CSMD1: variants seen among roughly 807,000 people sequenced by gnomAD.
CSMD1 encodes the protein CUB and sushi domain-containing protein 1.
CSMD1 carries 213 observed loss-of-function variants against 417.5 expected under a neutral mutation model. The ratio of observed to expected loss-of-function variants is 0.51; its 90% confidence interval spans 0.46 to 0.57. The LOEUF (loss-of-function observed/expected upper bound fraction) is 0.57. CSMD1 is among the 20% of genes least tolerant of loss of function. CSMD1 has a pLI of 0.00. For synonymous variants in CSMD1, 2,862 were observed against 1,736.8 expected (o/e 1.65, Z -16.11); for missense variants, 6,923 against 4,529.7 (o/e 1.53, Z -15.17).
At chr8:4,607,760 G>C (rs555129364) in intron 2 of CSMD1, among the ~76,000 whole-genome samples, 5 of 152,298 alleles carry the variant, frequency 3.3e-5, no homozygotes, top group Admixed American at 2.0e-4. Context: ...CCGCTTGAGA[G>C]TGACTCTCTC....
chr8:2,963,543 G>T, intron 59 of CSMD1, 148 bp from the exon 60 acceptor site: 1 of 774,210 alleles, frequency 1.3e-6, no homozygotes, highest in Non-Finnish European at 2.1e-6. Context: ...TGCCAAGGAA[G>T]ACAGTACATC....
At chr8:3,826,514 C>G (rs1288059120) in intron 5 of CSMD1, among the ~76,000 whole-genome samples, 1 of 152,150 alleles carries the variant, frequency 6.6e-6, no homozygotes, top group Admixed American at 6.5e-5. Flanking sequence ...TCTAGAACCA[C>G]ATTTTCAGAT....
At chr8:3,339,622 C>T (rs1490606140) in intron 23 of CSMD1, among the ~76,000 whole-genome samples, 1 of 152,208 alleles carries the variant, frequency 6.6e-6, no homozygotes, top group Non-Finnish European at 1.5e-5. Context: ...TCTCAGAGGG[C>T]TACTCTGATA....
rs907915216 is a variant in CSMD1 at position 4,007,678 on chromosome 8, C to A, written c.611-9568G>T. Among the ~76,000 whole-genome samples, 4 of 146,642 alleles carry A rather than the reference C, an allele frequency of 2.7e-5. No individual in the cohort carries two copies. The East Asian group carries it at 7.9e-4, about 29-fold the overall frequency. ...CCTGATAGAAGTATTCTTTCTTCCT[C>A]TTTTTTTTTTTCATGCAATGAATGA... is the stretch of plus-strand genomic sequence containing the variant. On this transcript the variant is annotated intron_variant, in intron 4 of 69. Coordinates refer to ENST00000635120, the MANE Select transcript of CSMD1 (RefSeq NM_033225.6).
chr8:4,044,389 G>A (rs1447115878), intron 3 of CSMD1, among the ~76,000 whole-genome samples: 4 of 152,092 alleles, frequency 2.6e-5, no homozygotes, highest in African/African-American at 7.2e-5. Context: ...ATAAGCTAAA[G>A]GCAATCTCAG....
In CSMD1 at chr8:4,081,663, A is replaced by G. The variant is rs73658567; in HGVS notation, c.416-49564T>C. On this transcript the variant is annotated intron_variant, in intron 3 of 69. Transcript: ENST00000635120. Reference sequence around the variant, plus strand: ...ACTAAAATAGATACTATGCTACACAATGCAACAATTCTCAATGAAGTCCAA... The same window carrying G: ...ACTAAAATAGATACTATGCTACACAGTGCAACAATTCTCAATGAAGTCCAA... Among the ~76,000 whole-genome samples the G allele has an allele frequency of 7.6e-3, 1,159 of 152,300 alleles. 13 individuals are homozygous for G. Among genetic ancestry groups the G allele is most frequent in the African/African-American group, 0.026 (1,071 of 41,560 alleles).
intron 5 of CSMD1, among the ~76,000 whole-genome samples, chr8:3,833,318 G>C (rs533456722): frequency 3.9e-5 from 6 of 152,044 alleles, no homozygotes; most frequent in African/African-American, 1.4e-4. Context: ...TTTCTATTCG[G>C]AAAACATTAT....
chr8:4,036,356 G>C lies in CSMD1; in HGVS notation c.416-4257C>G, dbSNP rs552756184. Among the ~76,000 whole-genome samples the C allele has an allele frequency of 3.0e-3, 462 of 152,156 alleles. 2 individuals are homozygous for C. Among genetic ancestry groups the C allele is most frequent in the African/African-American group, 0.011 (441 of 41,504 alleles). On this transcript the variant is annotated intron_variant, in intron 3 of 69. Coordinates refer to ENST00000635120, the MANE Select transcript of CSMD1 (RefSeq NM_033225.6). ...TTTAAAGAGGGACCCCTCCAAAATT[G>C]TTACCATGGTACTGCGCAATGGTAT...
At chr8:4,410,069 C>T (rs1043241051) in intron 3 of CSMD1, among the ~76,000 whole-genome samples, 5 of 152,148 alleles carry the variant, frequency 3.3e-5, no homozygotes, top group African/African-American at 1.2e-4. Flanking sequence ...CTGCCGTGGC[C>T]TCCCAAAGTG....
chr8:4,348,587 A>ATG (rs1491511833), intron 3 of CSMD1, among the ~76,000 whole-genome samples: 1 of 114,420 alleles, frequency 8.7e-6, no homozygotes, highest in African/African-American at 3.3e-5. Context: ...GTGTGTATGC[A>ATG]TGTGTGTGTG....
At chr8:4,871,284 C>G (rs554287372) in intron 1 of CSMD1, among the ~76,000 whole-genome samples, 3 of 152,214 alleles carry the variant, frequency 2.0e-5, no homozygotes, top group East Asian at 1.9e-4. Context: ...TTTTAAATTT[C>G]CACTGCAATG....
At chr8:4,929,490 C>G (rs922163094) in intron 1 of CSMD1, among the ~76,000 whole-genome samples, 1 of 152,096 alleles carries the variant, frequency 6.6e-6, no homozygotes, top group Non-Finnish European at 1.5e-5. Flanking sequence ...AAATGAGATG[C>G]TGGATATTTC....
intron 1 of CSMD1, among the ~76,000 whole-genome samples, chr8:4,705,919 T>G (rs141632907): frequency 6.6e-6 from 1 of 152,236 alleles, no homozygotes; most frequent in Non-Finnish European, 1.5e-5. Context: ...GGTCTATTGT[T>G]GGTGCTGCTT....
chr8:4,681,545 T>C (rs1279031719), intron 1 of CSMD1, among the ~76,000 whole-genome samples: 1 of 152,156 alleles, frequency 6.6e-6, no homozygotes, highest in African/African-American at 2.4e-5. Context: ...TTTACGCCAA[T>C]GTTAGTTGTG....
chr8:4,412,082 C>A (rs1275948105), intron 3 of CSMD1, among the ~76,000 whole-genome samples: 1 of 151,288 alleles, frequency 6.6e-6, no homozygotes, highest in Non-Finnish European at 1.5e-5. Flanking sequence ...TATTTCTCAA[C>A]GTGCAAGAGT....
At chr8:4,412,105 GTGCATGTGTGTT>G (rs1796682875) in intron 3 of CSMD1, among the ~76,000 whole-genome samples, 1 of 151,900 alleles carries the variant, frequency 6.6e-6, no homozygotes, top group African/African-American at 2.4e-5. Flanking sequence ...GTGCGTGTGT[GTGCATGTGTGTT>G]TAGCCAGGGC....
chr8:4,509,546 T>A (rs1400059111), intron 2 of CSMD1, among the ~76,000 whole-genome samples: 1 of 152,074 alleles, frequency 6.6e-6, no homozygotes, highest in African/African-American at 2.4e-5. Context: ...CACATGGAAA[T>A]GGAAAGGATG....
chr8:4,837,023 ATGT>A (rs200120410), intron 1 of CSMD1, among the ~76,000 whole-genome samples: 515 of 149,346 alleles, frequency 3.4e-3, no homozygotes, highest in Non-Finnish European at 6.0e-3. Context: ...TCTGGCCTTG[ATGT>A]TGTTGTTGTT....
At chr8:4,295,801 T>G (rs1425296590) in intron 3 of CSMD1, among the ~76,000 whole-genome samples, 1 of 137,902 alleles carries the variant, frequency 7.3e-6, no homozygotes, top group African/African-American at 2.6e-5. Flanking sequence ...CACACACATC[T>G]TGAGAGAAAA....
Sources: gnomAD v4.1 joint callset for allele counts (sites outside exome capture counted in the v4.1 genomes callset) on GRCh38, gnomAD v4.1.1 for gene constraint, MANE v1.5 for transcripts, NCBI Gene and HGNC (gene_info 2026-07-23, HGNC 2026-07-21) for gene names.